ANKRD31: variants seen among roughly 807,000 people sequenced by gnomAD.
ANKRD31 encodes the protein ankyrin repeat domain 31, also known as ankyrin repeat domain-containing protein 31.
In ANKRD31, 147 loss-of-function variants were observed where a neutral mutation model predicts 186.0. The ratio of observed to expected loss-of-function variants is 0.79; its 90% CI spans 0.69 to 0.91. The LOEUF is 0.91. ANKRD31 is among the 40% of genes least tolerant of loss of function. The pLI is 0.00. For synonymous variants in ANKRD31, 673 were observed against 736.4 expected (o/e 0.91, Z 1.39); for missense variants, 1,986 against 2,148.8 (o/e 0.92, Z 1.50).
At chr5:75,205,609 G>C (rs1756127763) in intron 5 of ANKRD31, among the ~76,000 whole-genome samples, 1 of 152,198 alleles carries the variant, frequency 6.6e-6, no homozygotes, top group Non-Finnish European at 1.5e-5. Flanking sequence ...ACTCTAGACA[G>C]TTAAAGTATA....
At chr5:75,115,894 C>G (rs1748200116) in intron 19 of ANKRD31, among the ~76,000 whole-genome samples, 1 of 152,058 alleles carries the variant, frequency 6.6e-6, no homozygotes, top group African/African-American at 2.4e-5. Context: ...TTTGACCCAG[C>G]AATCCCATTA....
At chr5:75,178,121 T>C (rs535000626) in intron 10 of ANKRD31, among the ~76,000 whole-genome samples, 1 of 151,896 alleles carries the variant, frequency 6.6e-6, no homozygotes, top group South Asian at 2.1e-4. Flanking sequence ...CCAACAAAGA[T>C]CAAAAGAGAC....
intron 6 of ANKRD31, among the ~76,000 whole-genome samples, chr5:75,196,773 T>C (rs1205251046): frequency 6.6e-6 from 1 of 152,216 alleles, no homozygotes; most frequent in East Asian, 1.9e-4. Flanking sequence ...TGAATGGCTC[T>C]GAGTTGTGGT....
chr5:75,088,635 C>T (rs943155269), intron 23 of ANKRD31, among the ~76,000 whole-genome samples: 11 of 152,154 alleles, frequency 7.2e-5, no homozygotes, highest in Non-Finnish European at 1.5e-4. Context: ...ATGAAAGGAA[C>T]GTGTGCCTCT....
Position 75,201,395 on chromosome 5 carries a change from C to T in ANKRD31, c.404-1721G>A. ...TCTTACTTAACATTTTATATCTCTACTTGCTTAAAATTTTAATACCAATGA... is the reference window on the plus strand; with the variant it reads ...TCTTACTTAACATTTTATATCTCTATTTGCTTAAAATTTTAATACCAATGA... On this transcript the variant is annotated intron_variant, in intron 5 of 25. Coordinates refer to ENST00000506364, the MANE Select transcript of ANKRD31 (RefSeq NM_001372053.1). Among the ~76,000 whole-genome samples the T allele has an allele frequency of 1.3e-5, 2 of 152,164 alleles. 1 individual carries two copies. The highest frequency in any genetic ancestry group is 2.9e-5 in the Non-Finnish European group (2 of 68,030).
At chr5:75,193,269 C>G in intron 8 of ANKRD31, 42 bp downstream of exon 8, 1 of 1,517,182 alleles carries the variant, frequency 6.6e-7, no homozygotes, top group Non-Finnish European at 8.8e-7. Context: ...TCTATAATGT[C>G]TATAGCATAC....
chr5:75,191,585 CAAAT>C (rs1227721037), intron 9 of ANKRD31, among the ~76,000 whole-genome samples: 1 of 151,984 alleles, frequency 6.6e-6, no homozygotes, highest in Non-Finnish European at 1.5e-5. Flanking sequence ...AAAAAATTAG[CAAAT>C]AAATAAAAAT....
chr5:75,201,446 C>A (rs547845863), intron 5 of ANKRD31, among the ~76,000 whole-genome samples: 1 of 152,130 alleles, frequency 6.6e-6, no homozygotes, highest in Non-Finnish European at 1.5e-5. Flanking sequence ...ATAATAGATA[C>A]ATCTTCAACT....
At chr5:75,083,673 T>C (rs1745258669) in intron 24 of ANKRD31, among the ~76,000 whole-genome samples, 1 of 151,408 alleles carries the variant, frequency 6.6e-6, no homozygotes, top group South Asian at 2.1e-4. Flanking sequence ...GAGGTTGCAG[T>C]GAGCTGAGAT....
intron 10 of ANKRD31, among the ~76,000 whole-genome samples, chr5:75,179,533 A>G (rs559467651): frequency 1.3e-5 from 2 of 152,224 alleles, no homozygotes; most frequent in Non-Finnish European, 2.9e-5. Flanking sequence ...AAGTTTATCC[A>G]CTATGATCAA....
At position 75,091,391 on chromosome 5, in the gene ANKRD31, T is replaced by C. The variant is rs1561409420; in HGVS notation, c.5342A>G (p.His1781Arg). Residue 1781 changes from histidine to arginine, a missense_variant, in exon 23 of 26, where the codon CAC becomes CGC. Physicochemically the swap from His to Arg is conservative, Grantham distance 29. Coordinates refer to ENST00000506364, the MANE Select transcript of ANKRD31 (RefSeq NM_001372053.1). ...ACCATTCAATAAAATACTGGCTTTG[T>C]GGGTAGTCTCCTGAAGTGAAAAATA... The part of the protein sequence containing the change: ...ILEFKTQETT[H>R]KASILLNGKL... 2 of 1,535,670 alleles carry C rather than the reference T, an allele frequency of 1.3e-6. No homozygotes were observed. Among genetic ancestry groups the C allele is most frequent in the East Asian group, 4.9e-5 (2 of 40,890 alleles).
chr5:75,190,838 A>C (rs1755062842), intron 9 of ANKRD31, among the ~76,000 whole-genome samples: 1 of 151,900 alleles, frequency 6.6e-6, no homozygotes, highest in South Asian at 2.1e-4. Flanking sequence ...CATGACATAC[A>C]CCCCTGTTCT....
chr5:75,174,164 C>T (rs1381098673), intron 10 of ANKRD31, among the ~76,000 whole-genome samples: 3 of 152,146 alleles, frequency 2.0e-5, no homozygotes, highest in Admixed American at 6.5e-5. Flanking sequence ...GCTGGGAAAA[C>T]TGGCTAGCCA....
In ANKRD31 at chr5:75,112,491, TTGAGTA is replaced by T. The variant is rs780095286; in HGVS notation, c.4243+16_4243+21del. ...CCTTGGGTATCTGAAAATATCATAC[TTGAGTA>T]TGAGTCTATATTTACCTGCATCTTC... On this transcript the variant is annotated intron_variant, in intron 20 of 25. Transcript: ENST00000506364. 7.3e-5 allele frequency: 103 copies of T among 1,403,422 alleles called. No individual in the cohort carries two copies. The African/African-American group carries it at 1.4e-3, about 19-fold the overall frequency. The allele number at this position is 1,403,422 out of a possible 1,614,324, so 86.9% of individuals were successfully genotyped here. A position where few individuals can be genotyped will look rare whatever the true frequency, so the allele number is the denominator to read the frequency against.
At chr5:75,174,080 C>G (rs1336657993) in intron 10 of ANKRD31, among the ~76,000 whole-genome samples, 1 of 152,186 alleles carries the variant, frequency 6.6e-6, no homozygotes, top group Admixed American at 6.5e-5. Context: ...CAGCACACAT[C>G]TACCACCATC....
chr5:75,105,297 A>G, intron 21 of ANKRD31, 79 bp from the exon 22 acceptor site: 3 of 1,333,714 alleles, frequency 2.2e-6, no homozygotes, highest in Non-Finnish European at 2.9e-6. Context: ...GGTTAAAGAT[A>G]CTTTGTCTCC....
intron 2 of ANKRD31, among the ~76,000 whole-genome samples, chr5:75,226,998 C>G (rs1037089976): frequency 4.6e-5 from 7 of 151,588 alleles, no homozygotes; most frequent in Non-Finnish European, 1.0e-4. Flanking sequence ...TTTTTTTTAG[C>G]ACTATCCACA....
chr5:75,223,919 A>G (rs1399185859), intron 2 of ANKRD31, among the ~76,000 whole-genome samples: 1 of 152,024 alleles, frequency 6.6e-6, no homozygotes, highest in Admixed American at 6.6e-5. Context: ...ACAGCAATGT[A>G]GCAGCCATCC....
chr5:75,111,131 A>C (rs960872454), intron 20 of ANKRD31, among the ~76,000 whole-genome samples: 2 of 151,866 alleles, frequency 1.3e-5, no homozygotes, highest in Admixed American at 6.6e-5. Context: ...CAAAATTACC[A>C]TATATATCAT....
Sources: allele counts gnomAD v4.1 joint callset (sites outside exome capture counted in the v4.1 genomes callset), GRCh38; gene constraint gnomAD v4.1.1; transcripts MANE v1.5; gene names NCBI Gene and HGNC (gene_info 2026-07-23, HGNC 2026-07-21).